TG: variants seen among roughly 807,000 people sequenced by gnomAD.
TG encodes thyroid hormones.
Under a neutral mutation model 324.7 loss-of-function variants are expected in TG, and 270 were observed. The ratio of observed to expected loss-of-function variants is 0.83; its 90% confidence interval spans 0.75 to 0.92. The LOEUF is 0.92. Among genes scored for constraint, TG ranks in the 40% least tolerant of loss-of-function variants. The pLI is 0.00. For synonymous variants in TG, 1,401 were observed against 1,327.0 expected (o/e 1.06, Z -1.21); for missense variants, 3,591 against 3,456.4 (o/e 1.04, Z -0.98).
At chr8:133,002,464 T>C (rs999222885) in intron 35 of TG, 2 of 948,728 alleles carry the variant, frequency 2.1e-6, no homozygotes, top group Non-Finnish European at 2.5e-6. Context: ...TAAATCTGAA[T>C]AGCAAATACA....
At chr8:132,913,427 T>C (rs1819822968) in intron 20 of TG, among the ~76,000 whole-genome samples, 162 bp downstream of exon 20, 1 of 152,198 alleles carries the variant, frequency 6.6e-6, no homozygotes, top group African/African-American at 2.4e-5. Context: ...CATGGGTGTA[T>C]AGTCTCCATC....
rs369146959 is a variant in TG at position 132,941,457 on chromosome 8, T to A, written c.5148T>A (p.Asn1716Lys). The A allele has an allele frequency of 5.0e-6, 8 of 1,614,104 alleles. No homozygotes were observed. Among genetic ancestry groups the A allele is most frequent in the Non-Finnish European group, 6.8e-6 (8 of 1,180,054 alleles). The part of the protein sequence containing the change: ...NPIVFSASGA[N>K]LTDAHLFCLL... ...TTGTGTTCTCAGCCTCAGGAGCCAA[T>A]CTAACCGATGCTCACCTCTTCTGTC... Residue 1716 changes from asparagine to lysine, a missense_variant, in exon 26 of 48, where the codon AAT becomes AAA. Transcript: ENST00000220616.
chr8:132,945,036 C>T (rs191222575), intron 26 of TG, among the ~76,000 whole-genome samples: 11 of 152,226 alleles, frequency 7.2e-5, no homozygotes, highest in East Asian at 3.9e-4. Context: ...ACCTTGTAGG[C>T]GGCATGAATA....
At chr8:133,013,558 T>C (rs1395780928) in intron 36 of TG, 42 bp from the exon 37 acceptor site, 1 of 1,612,516 alleles carries the variant, frequency 6.2e-7, no homozygotes, top group Admixed American at 1.7e-5. Context: ...TGAAGTAACA[T>C]CTCTGAGGCC....
rs1454557459 is a variant in TG at position 133,061,163 on chromosome 8, C to A, written c.7239+31140C>A. Among the ~76,000 whole-genome samples the A allele has an allele frequency of 4.6e-5, 7 of 152,132 alleles. 1 individual carries two copies. Among genetic ancestry groups the A allele is most frequent in the Non-Finnish European group, 8.8e-5 (6 of 68,024 alleles). On this transcript the variant is annotated intron_variant, in intron 41 of 47. Coordinates refer to ENST00000220616, the MANE Select transcript of TG (RefSeq NM_003235.5). ...GTAGCTGGGATTACAGGCACACATG[C>A]CACACCCAGCTAATTTTTGTATTTT...
chr8:132,922,779 C>T lies in TG; in HGVS notation c.4529-559C>T, dbSNP rs576697805. 3.8e-4 allele frequency among the ~76,000 whole-genome samples: 58 copies of T among 152,302 alleles called. 1 individual carries two copies. The highest frequency in any genetic ancestry group is 1.3e-4 in the Non-Finnish European group (9 of 68,028). ...ATGCTGGGAGGAACAAATGAGCCCC[C>T]TTGGGCCTCTTTTAAAGGGTACAAA... On this transcript the variant is annotated intron_variant, in intron 21 of 47. Transcript: ENST00000220616.
In TG at chr8:133,110,270, C is replaced by T. The variant is rs542329690; in HGVS notation, c.7573-3152C>T. 1.4e-3 allele frequency among the ~76,000 whole-genome samples: 218 copies of T among 152,296 alleles called. 4 individuals are homozygous for T. The highest frequency in any genetic ancestry group is 6.8e-3 in the Middle Eastern group (2 of 294). ...CATCATGGATTCCTTCTTTATAAAG[C>T]ATCTGTGAGCAGTACTTGGCCCTCG... On this transcript the variant is annotated intron_variant, in intron 43 of 47. Coordinates refer to ENST00000220616, the MANE Select transcript of TG (RefSeq NM_003235.5).
At position 132,929,174 on chromosome 8, in the gene TG, G is replaced by A. The variant is rs145098737; in HGVS notation, c.4798G>A (p.Val1600Met). 39 of 1,613,960 alleles carry A rather than the reference G, an allele frequency of 2.4e-5. No homozygotes were observed. The highest frequency in any genetic ancestry group is 1.6e-4 in the South Asian group (15 of 91,076). Residue 1600 changes from valine (V) to methionine (M), a missense_variant, in exon 23 of 48, where the codon GTG (valine) becomes ATG (methionine). Transcript: ENST00000220616. ...RSKVPDSEFPVMQCLTDCTED... is the reference protein window; with the variant it reads ...RSKVPDSEFPMMQCLTDCTED... ...CAAAGTTCCTGATTCTGAGTTCCCC[G>A]TGATGCAGTGCTTGACAGGTGAGGA...
intron 4 of TG, 138 bp from the exon 5 acceptor site, chr8:132,872,924 C>A: frequency 1.1e-6 from 1 of 943,396 alleles, no homozygotes; most frequent in Non-Finnish European, 1.6e-6. Context: ...ATGATGTTCA[C>A]ACGACAATGA....
At chr8:133,065,314 T>C (rs1842895091) in intron 41 of TG, among the ~76,000 whole-genome samples, 1 of 152,228 alleles carries the variant, frequency 6.6e-6, no homozygotes, top group Admixed American at 6.5e-5. Context: ...TCCAAGGTTA[T>C]ACTGCTAGGA....
chr8:132,885,527 G>C (rs949014455), intron 8 of TG, among the ~76,000 whole-genome samples: 1 of 149,726 alleles, frequency 6.7e-6, no homozygotes. Flanking sequence ...TGCCCTCAAG[G>C]AGACCATAGC....
At chr8:132,890,433 A>G (rs1418943552) in intron 10 of TG, among the ~76,000 whole-genome samples, 1 of 152,186 alleles carries the variant, frequency 6.6e-6, no homozygotes, top group Non-Finnish European at 1.5e-5. Flanking sequence ...GTCCAGCAGC[A>G]TTGGCATTCA....
At chr8:132,886,336 G>T in intron 8 of TG, 112 bp from the exon 9 acceptor site, 1 of 1,414,690 alleles carries the variant, frequency 7.1e-7, no homozygotes, top group South Asian at 1.2e-5. Context: ...TCAAACGTAG[G>T]TGTCCTTGAT....
Position 132,941,424 on chromosome 8 carries a change from C to T in TG, c.5115C>T (p.Tyr1705=), listed in dbSNP as rs1255748251. 6.2e-7 allele frequency: 1 copy of T among 1,614,124 alleles called. No individual in the cohort carries two copies. The highest frequency in any genetic ancestry group is 8.5e-7 in the Non-Finnish European group (1 of 1,180,048). The change falls in exon 26 of 48, where the codon TAC becomes TAT. Residue 1705 remains tyrosine, a synonymous_variant. Coordinates refer to ENST00000220616, the MANE Select transcript of TG (RefSeq NM_003235.5). ...TGFQNMLSGL[Y]NPIVFSASGA... ...TCCAAAACATGCTTTCTGGATTGTA[C>T]AACCCCATTGTGTTCTCAGCCTCAG...
chr8:132,960,953 G>A (rs1214376912), intron 27 of TG, 55 bp from the exon 28 acceptor site: 2 of 1,548,222 alleles, frequency 1.3e-6, no homozygotes, highest in African/African-American at 2.7e-5. Context: ...CAGTAATGGT[G>A]GGTACCCAGT....
rs532366264 is a variant in TG at position 132,901,240 on chromosome 8, G to A, written c.3434-113G>A. 912 of 1,262,474 alleles carry A rather than the reference G, an allele frequency of 7.2e-4. 14 individuals are homozygous for A. In the South Asian group the frequency reaches 0.01, roughly 14 times the overall value. 78.2% of individuals were successfully genotyped at this position (1,262,474 alleles called of 1,614,324 possible). On this transcript the variant is annotated intron_variant, in intron 15 of 47. Transcript: ENST00000220616. ...GGAGGCAGCCCCAGACCCCTGGAAGGCCCTGCAGGCAGGTGGGCTGAGGGT... is the reference window on the plus strand; with the variant it reads ...GGAGGCAGCCCCAGACCCCTGGAAGACCCTGCAGGCAGGTGGGCTGAGGGT...
chr8:132,948,891 C>T lies in TG; in HGVS notation c.5349C>T (p.Asp1783=), dbSNP rs1318585314. The T allele has an allele frequency of 1.2e-6, 2 of 1,613,972 alleles. No individual in the cohort carries two copies. The highest frequency in any genetic ancestry group is 1.7e-5 in the Admixed American group (1 of 60,010). The part of the protein sequence containing the change: ...ANATCPGVTY[D]QESHQVILRL... ...CTACATGTCCTGGTGTGACATATGACCAGGAGAGCCACCAGGTGATATTGC... is the reference window on the plus strand; with the variant it reads ...CTACATGTCCTGGTGTGACATATGATCAGGAGAGCCACCAGGTGATATTGC... The change falls in exon 27 of 48, where the codon GAC becomes GAT. Residue 1783 remains aspartate, a synonymous_variant. Transcript: ENST00000220616.
At chr8:133,107,502 G>A (rs1196151372) in intron 43 of TG, among the ~76,000 whole-genome samples, 1 of 152,268 alleles carries the variant, frequency 6.6e-6, no homozygotes, top group African/African-American at 2.4e-5. Flanking sequence ...GCAGTCACAC[G>A]GTGGCCCCCA....
intron 20 of TG, 86 bp downstream of exon 20, chr8:132,913,351 C>A: frequency 1.5e-6 from 2 of 1,371,934 alleles, no homozygotes; most frequent in Non-Finnish European, 2.1e-6. Context: ...AGAGGCTACT[C>A]TGGACATCCA....
Sources: allele counts gnomAD v4.1 joint callset (sites outside exome capture counted in the v4.1 genomes callset), GRCh38; gene constraint gnomAD v4.1.1; transcripts MANE v1.5; gene names NCBI Gene and HGNC (gene_info 2026-07-23, HGNC 2026-07-21).